Variants in ATAD1 observed in about 807,000 individuals in gnomAD.
ATAD1 encodes ATPase family AAA domain containing 1, also known as outer mitochondrial transmembrane helix translocase.
ATAD1 carries 18 observed loss-of-function variants against 42.7 expected under a neutral mutation model. The ratio of observed to expected loss-of-function variants is 0.42; its 90% CI spans 0.29 to 0.63. ATAD1 has a LOEUF of 0.63. Among genes scored for constraint, ATAD1 ranks in the 20% least tolerant of loss-of-function variants. The pLI is 0.19. For missense variants in ATAD1, 294 were observed against 440.4 expected (o/e 0.67, Z 2.98); for synonymous variants, 132 against 143.1 (o/e 0.92, Z 0.55).
intron 8 of ATAD1, among the ~76,000 whole-genome samples, chr10:87,762,392 T>C (rs574746441): frequency 1.3e-5 from 2 of 152,282 alleles, no homozygotes; most frequent in South Asian, 4.1e-4. Context: ...TATTTTCTTC[T>C]CTAAACTTTT....
chr10:87,795,793 C>T (rs1856359086), intron 2 of ATAD1, among the ~76,000 whole-genome samples: 1 of 152,088 alleles, frequency 6.6e-6, no homozygotes, highest in Non-Finnish European at 1.5e-5. Flanking sequence ...TACTTATGAG[C>T]TAACACTCAT....
At chr10:87,763,196 C>T (rs945152653) in intron 8 of ATAD1, among the ~76,000 whole-genome samples, 3 of 149,288 alleles carry the variant, frequency 2.0e-5, no homozygotes, top group Non-Finnish European at 4.5e-5. Flanking sequence ...TGAAACTGTA[C>T]ATATTTCATG....
chr10:87,762,592 G>T (rs1854532264), intron 8 of ATAD1, among the ~76,000 whole-genome samples: 1 of 151,368 alleles, frequency 6.6e-6, no homozygotes, highest in Non-Finnish European at 1.5e-5. Flanking sequence ...AGCCTCCCAA[G>T]TAGCCAGGAT....
At chr10:87,793,140 G>T (rs1856208886) in intron 2 of ATAD1, among the ~76,000 whole-genome samples, 1 of 152,168 alleles carries the variant, frequency 6.6e-6, no homozygotes, top group Non-Finnish European at 1.5e-5. Flanking sequence ...AGGAGTTAAG[G>T]AGGGCAAGAA....
intron 2 of ATAD1, among the ~76,000 whole-genome samples, chr10:87,812,198 C>T (rs916817032): frequency 2.6e-5 from 4 of 152,202 alleles, no homozygotes; most frequent in African/African-American, 7.2e-5. Context: ...ATCCTTAAAA[C>T]ATTGTATATC....
intron 1 of ATAD1, among the ~76,000 whole-genome samples, chr10:87,833,501 T>C (rs1857871932): frequency 6.6e-6 from 1 of 152,222 alleles, no homozygotes; most frequent in African/African-American, 2.4e-5. Flanking sequence ...TCCAATATAA[T>C]GTCAAATAGC....
At position 87,825,410 on chromosome 10, in the gene ATAD1, C is replaced by T. The variant is rs528657826; in HGVS notation, c.-13-10798G>A. ...CCGCAACCTCCACCTCCTAGGTTCA[C>T]GCCATTCTCCTGCTTCAGCCTCCCG... On this transcript the variant is annotated intron_variant, in intron 1 of 4. Coordinates refer to the ATAD1 transcript ENST00000495903. Among the ~76,000 whole-genome samples, 134 of 150,956 alleles carry T rather than the reference C, an allele frequency of 8.9e-4. 2 individuals are homozygous for T. In the Middle Eastern group the frequency reaches 0.031, roughly 35 times the overall value.
chr10:87,754,157 T>C lies in ATAD1; in HGVS notation c.*530A>G, dbSNP rs552449914. On this transcript the variant is annotated 3_prime_UTR_variant, in exon 10 of 10. Coordinates refer to ENST00000680024, the MANE Select transcript of ATAD1 (RefSeq NM_001321967.2). The stretch of plus-strand genomic sequence containing the variant: ...GAAATGGCTGAATCACTGTACCTTT[T>C]TGACACAACCTTAAATCTTAGTTTT... 6.5e-6 allele frequency: 1 copy of C among 152,692 alleles called. No homozygotes were observed. Among genetic ancestry groups the C allele is most frequent in the East Asian group, 1.9e-4 (1 of 5,204 alleles). The allele number at this position is 152,692 out of a possible 1,614,324, so 9.5% of individuals were successfully genotyped here.
chr10:87,767,957 G>C (rs995061464), intron 7 of ATAD1, among the ~76,000 whole-genome samples: 1 of 151,918 alleles, frequency 6.6e-6, no homozygotes, highest in African/African-American at 2.4e-5. Context: ...TACAATGTTT[G>C]GGAAATAACA....
At chr10:87,801,766 A>G (rs1225456703) in intron 2 of ATAD1, among the ~76,000 whole-genome samples, 2 of 152,240 alleles carry the variant, frequency 1.3e-5, no homozygotes, top group African/African-American at 4.8e-5. Context: ...CAGCTATAAA[A>G]CTCTAACAGG....
At chr10:87,822,395 A>G (rs1173732465), upstream of ATAD1, among the ~76,000 whole-genome samples, 1 of 152,218 alleles carries the variant, frequency 6.6e-6, no homozygotes, top group Non-Finnish European at 1.5e-5. Flanking sequence ...CTGAAGCTGT[A>G]CTTGAAGCTC....
At chr10:87,756,727 A>C in intron 9 of ATAD1, 62 bp downstream of exon 9, 1 of 1,439,826 alleles carries the variant, frequency 6.9e-7, no homozygotes, top group Non-Finnish European at 9.3e-7. Context: ...AAATAAAAGA[A>C]ACTAACCTAA....
upstream of ATAD1, chr10:87,818,403 G>A (rs1442233136): frequency 6.5e-6 from 2 of 306,630 alleles, no homozygotes; most frequent in Non-Finnish European, 9.5e-6. Context: ...GACTTTCTGC[G>A]AAGCCGGCGT....
intron 1 of ATAD1, chr10:87,817,769 T>TG: frequency 1.0e-6 from 1 of 985,450 alleles, no homozygotes. Context: ...CACAAGGTGG[T>TG]GGCCGCGCCT....
At chr10:87,767,453 C>A (rs1819162) in intron 8 of ATAD1, among the ~76,000 whole-genome samples, 38,299 of 152,042 alleles carry the variant, frequency 0.25, 5,228 homozygotes, top group Non-Finnish European at 0.31. Flanking sequence ...GAATCCAGTG[C>A]CGCTGCTGAT....
intron 5 of ATAD1, among the ~76,000 whole-genome samples, chr10:87,777,742 T>A (rs1589491580): frequency 6.6e-6 from 1 of 152,150 alleles, no homozygotes; most frequent in African/African-American, 2.4e-5. Context: ...ACTTTGTCGA[T>A]CATACATGCA....
intron 2 of ATAD1, among the ~76,000 whole-genome samples, chr10:87,807,721 C>T (rs1856990120): frequency 6.6e-6 from 1 of 152,064 alleles, no homozygotes; most frequent in Non-Finnish European, 1.5e-5. Context: ...ACTTATGCAG[C>T]ACTGTTATAT....
At chr10:87,793,133 A>C (rs1335897492) in intron 2 of ATAD1, among the ~76,000 whole-genome samples, 2 of 152,316 alleles carry the variant, frequency 1.3e-5, no homozygotes, top group Middle Eastern at 3.4e-3. Context: ...AAGACAGAGG[A>C]GTTAAGGAGG....
intron 5 of ATAD1, among the ~76,000 whole-genome samples, chr10:87,777,051 A>T (rs1278841985): frequency 6.6e-6 from 1 of 152,226 alleles, no homozygotes; most frequent in Non-Finnish European, 1.5e-5. Flanking sequence ...GTAAATTATT[A>T]GGCAAATTAA....
Sources: gnomAD v4.1 joint callset for allele counts (sites outside exome capture counted in the v4.1 genomes callset) on GRCh38, gnomAD v4.1.1 for gene constraint, MANE v1.5 for transcripts, NCBI Gene and HGNC (gene_info 2026-07-23, HGNC 2026-07-21) for gene names.